The following XXYLT1 variants were observed in gnomAD, a reference collection of about 807,000 sequenced individuals.
The protein encoded by XXYLT1 is UDP-xylose:alpha-xyloside alpha-1,3-xylosyltransferase.
In XXYLT1, 20 loss-of-function variants were observed where a neutral mutation model predicts 28.9. The observed-to-expected ratio is 0.69, with a 90% CI of 0.49 to 1.00. XXYLT1 has a LOEUF of 1.00. XXYLT1 is among the 50% of genes least tolerant of loss of function. XXYLT1 has a pLI of 0.00. For synonymous variants in XXYLT1, 257 were observed against 253.8 expected (o/e 1.01, Z -0.12); for missense variants, 542 against 560.1 (o/e 0.97, Z 0.33).
chr3:195,135,828 G>A (rs1171296904), intron 3 of XXYLT1, among the ~76,000 whole-genome samples: 3 of 152,166 alleles, frequency 2.0e-5, no homozygotes, highest in East Asian at 1.9e-4. Flanking sequence ...ATGGCAGGAC[G>A]GCAGTCAGGT....
chr3:195,186,641 C>G (rs1219607035), intron 2 of XXYLT1, among the ~76,000 whole-genome samples: 1 of 152,082 alleles, frequency 6.6e-6, no homozygotes, highest in Non-Finnish European at 1.5e-5. Flanking sequence ...CTGAATCCCC[C>G]ACTCGGGCAG....
At chr3:195,128,112 G>A (rs562746447) in intron 3 of XXYLT1, among the ~76,000 whole-genome samples, 2 of 152,142 alleles carry the variant, frequency 1.3e-5, no homozygotes, top group African/African-American at 2.4e-5. Flanking sequence ...ACGGCACATG[G>A]CCACACCACT....
chr3:195,256,672 C>T lies in XXYLT1; in HGVS notation c.504+13883G>A, dbSNP rs905747557. The T allele has an allele frequency of 5.4e-6, 4 of 743,286 alleles. No individual in the cohort carries two copies. In the African/African-American group the frequency reaches 5.7e-5, roughly 11 times the overall value. The allele number at this position is 743,286 out of a possible 1,614,324, so 46.0% of individuals were successfully genotyped here. On this transcript the variant is annotated intron_variant, in intron 1 of 3. Transcript: ENST00000310380. This position sits in a 1 kb window ranked among gnomAD's most constrained non-coding sequence, Gnocchi z 4.2. Reference sequence around the variant, plus strand: ...AAGAGAACAGACTGTTACTCAGAGCCGGAGCGTCCCCACTCCTCTTATGAT... The same window carrying T: ...AAGAGAACAGACTGTTACTCAGAGCTGGAGCGTCCCCACTCCTCTTATGAT...
At chr3:195,175,219 G>A (rs1180346748) in intron 2 of XXYLT1, among the ~76,000 whole-genome samples, 4 of 152,194 alleles carry the variant, frequency 2.6e-5, no homozygotes, top group Non-Finnish European at 4.4e-5. Flanking sequence ...AGGCAGTAAT[G>A]CTCGGCCTAA....
At chr3:195,089,401 G>C (rs551634486) in intron 3 of XXYLT1, among the ~76,000 whole-genome samples, 2,878 of 151,368 alleles carry the variant, frequency 0.019, 88 homozygotes, top group African/African-American at 0.062. Flanking sequence ...GATTTTCAAC[G>C]CAGAATTTCA....
chr3:195,268,621 G>A (rs1461219088), intron 1 of XXYLT1, among the ~76,000 whole-genome samples: 6 of 151,750 alleles, frequency 4.0e-5, no homozygotes, highest in African/African-American at 7.3e-5. Flanking sequence ...AAGAAGTAAC[G>A]GGAGCAATTT....
intron 1 of XXYLT1, among the ~76,000 whole-genome samples, chr3:195,261,742 T>C (rs1428950144): frequency 1.3e-5 from 2 of 152,220 alleles, no homozygotes; most frequent in South Asian, 2.1e-4. Flanking sequence ...AATACATGTA[T>C]GTAGTTGTCC....
chr3:195,252,723 C>CAGAG (rs1465288212), intron 1 of XXYLT1, among the ~76,000 whole-genome samples: 97 of 129,302 alleles, frequency 7.5e-4, no homozygotes, highest in African/African-American at 2.7e-3. Flanking sequence ...CACACACACA[C>CAGAG]ACACAGAGAG....
In XXYLT1 at chr3:195,115,243, T is replaced by G. The variant is rs1225011898; in HGVS notation, c.785+41206A>C. Among the ~76,000 whole-genome samples the G allele has an allele frequency of 6.6e-6, 1 of 152,202 alleles. No individual in the cohort carries two copies. The highest frequency in any genetic ancestry group is 1.5e-5 in the Non-Finnish European group (1 of 68,032). Reference sequence around the variant, plus strand: ...TGCTGGTTAGACGGTCCCAGTCACCTTGAACCCAGGTCGTGCTGCCGCTTC... The same window carrying G: ...TGCTGGTTAGACGGTCCCAGTCACCGTGAACCCAGGTCGTGCTGCCGCTTC... On this transcript the variant is annotated intron_variant, in intron 3 of 3. Coordinates refer to ENST00000310380, the MANE Select transcript of XXYLT1 (RefSeq NM_152531.5). This position sits in a 1 kb window ranked among gnomAD's most constrained non-coding sequence, Gnocchi z 4.2.
chr3:195,271,048 A>G lies in XXYLT1; in HGVS notation c.11T>C (p.Leu4Pro). 7.0e-7 allele frequency: 1 copy of G among 1,432,892 alleles called. No homozygotes were observed. The highest frequency in any genetic ancestry group is 9.1e-7 in the Non-Finnish European group (1 of 1,097,872). 88.8% of individuals were successfully genotyped at this position (1,432,892 alleles called of 1,614,324 possible). ...CCGAGCGCATGGGAGCCCGCCTCGG[A>G]GGAGGCCCATGCGCTACGAGACCGC... MGL[L>P]RGGLPCARAM... Residue 4 changes from leucine to proline, a missense_variant, in exon 1 of 4, where the codon CTC (leucine) becomes CCC (proline). Physicochemically the swap from Leu to Pro is moderately conservative, Grantham distance 98 (BLOSUM62 -3). Coordinates refer to ENST00000310380, the MANE Select transcript of XXYLT1 (RefSeq NM_152531.5).
At chr3:195,188,397 C>T (rs1275456781) in intron 2 of XXYLT1, among the ~76,000 whole-genome samples, 2 of 152,192 alleles carry the variant, frequency 1.3e-5, no homozygotes, top group African/African-American at 4.8e-5. Flanking sequence ...ATGGCAACAA[C>T]CTGACAACCA....
chr3:195,258,076 C>A (rs1158209249), intron 1 of XXYLT1, among the ~76,000 whole-genome samples: 1 of 152,168 alleles, frequency 6.6e-6, no homozygotes, highest in Non-Finnish European at 1.5e-5. Context: ...GCCTATGAAG[C>A]CCCTGCAGAA....
intron 2 of XXYLT1, among the ~76,000 whole-genome samples, chr3:195,172,681 C>T (rs58122488): frequency 0.063 from 9,569 of 152,062 alleles, 514 homozygotes; most frequent in African/African-American, 0.15. Flanking sequence ...GTAAGTGTTT[C>T]GGAGAAAATA....
At chr3:195,149,850 G>A (rs1372727910) in intron 3 of XXYLT1, among the ~76,000 whole-genome samples, 1 of 152,166 alleles carries the variant, frequency 6.6e-6, no homozygotes, top group Non-Finnish European at 1.5e-5. Flanking sequence ...GGTAATTTCC[G>A]CAGAAGCGGG....
chr3:195,183,934 C>G (rs1722066502), intron 2 of XXYLT1, among the ~76,000 whole-genome samples: 1 of 152,222 alleles, frequency 6.6e-6, no homozygotes, highest in Non-Finnish European at 1.5e-5. Context: ...CTGCCCTAGA[C>G]CATCTGTGAG....
chr3:195,087,690 C>T (rs573740623), intron 3 of XXYLT1, among the ~76,000 whole-genome samples: 3 of 152,190 alleles, frequency 2.0e-5, no homozygotes, highest in Admixed American at 6.5e-5. Context: ...CCAAGATGGC[C>T]GAATAGGAAC....
At chr3:195,244,081 C>T (rs1019567256) in intron 1 of XXYLT1, among the ~76,000 whole-genome samples, 1 of 152,198 alleles carries the variant, frequency 6.6e-6, no homozygotes, top group Non-Finnish European at 1.5e-5. Flanking sequence ...CTTACTGAAC[C>T]ATCACTAGTT....
chr3:195,253,109 C>T (rs1053541436), intron 1 of XXYLT1, among the ~76,000 whole-genome samples: 2 of 152,206 alleles, frequency 1.3e-5, no homozygotes, highest in African/African-American at 2.4e-5. Flanking sequence ...CACTGCACCC[C>T]AGCTGCCCGC....
chr3:195,087,708 G>C (rs1715814236), intron 3 of XXYLT1, among the ~76,000 whole-genome samples: 1 of 152,224 alleles, frequency 6.6e-6, no homozygotes, highest in Non-Finnish European at 1.5e-5. Flanking sequence ...AACAGCTCTG[G>C]TGTACAGCTC....
Sources: gnomAD v4.1 joint callset for allele counts (sites outside exome capture counted in the v4.1 genomes callset) on GRCh38, gnomAD v4.1.1 for gene constraint, Gnocchi (gnomAD v3.1) non-coding constraint, MANE v1.5 for transcripts, NCBI Gene and HGNC (gene_info 2026-07-23, HGNC 2026-07-21) for gene names.